RCAN1: variants seen among roughly 807,000 people sequenced by gnomAD.
The protein encoded by RCAN1 is regulator of calcineurin 1.
Under a neutral mutation model 22.9 loss-of-function variants are expected in RCAN1, and 11 were observed. That is an observed-to-expected ratio of 0.48 (90% CI 0.30 to 0.79). The LOEUF (loss-of-function observed/expected upper bound fraction) is 0.79. RCAN1 is among the 30% of genes least tolerant of loss of function. RCAN1 has a pLI of 0.06. For synonymous variants in RCAN1, 136 were observed against 142.3 expected (o/e 0.96, Z 0.32); for missense variants, 291 against 337.8 (o/e 0.86, Z 1.09).
At chr21:34,577,485 G>A (rs538905762) in intron 1 of RCAN1, among the ~76,000 whole-genome samples, 1 of 152,272 alleles carries the variant, frequency 6.6e-6, no homozygotes, top group Admixed American at 6.5e-5. Flanking sequence ...TGTAGTCCCA[G>A]CTACTTGGGA....
At chr21:34,570,632 A>G (rs898425006) in intron 1 of RCAN1, among the ~76,000 whole-genome samples, 3 of 149,074 alleles carry the variant, frequency 2.0e-5, no homozygotes, top group Admixed American at 6.7e-5. Flanking sequence ...TTGTGATGAT[A>G]GTGGACTCTT....
chr21:34,523,440 T>C, intron 2 of RCAN1, 97 bp downstream of exon 2: 2 of 1,184,484 alleles, frequency 1.7e-6, no homozygotes, highest in Non-Finnish European at 2.4e-6. Flanking sequence ...AGTCTCAGAG[T>C]TTCCGGTCAG....
intron 1 of RCAN1, among the ~76,000 whole-genome samples, chr21:34,582,731 C>CCA (rs1302482634): frequency 6.6e-6 from 1 of 152,162 alleles, no homozygotes; most frequent in African/African-American, 2.4e-5. Flanking sequence ...TTTCAAAACA[C>CCA]CACTGGCTGC....
At chr21:34,532,261 G>T (rs150379848) in intron 1 of RCAN1, among the ~76,000 whole-genome samples, 2 of 152,232 alleles carry the variant, frequency 1.3e-5, no homozygotes, top group African/African-American at 4.8e-5. Context: ...GACTTTGCGG[G>T]GTTCTTTGCT....
chr21:34,526,948 T>C (rs1985103135), intron 1 of RCAN1: 1 of 1,388,136 alleles, frequency 7.2e-7, no homozygotes, highest in Non-Finnish European at 9.3e-7. Flanking sequence ...AAGTCCTGCA[T>C]GCTTGCAGGC....
chr21:34,581,545 CAG>C (rs1438444140), intron 1 of RCAN1, among the ~76,000 whole-genome samples: 1 of 152,070 alleles, frequency 6.6e-6, no homozygotes, highest in Non-Finnish European at 1.5e-5. Flanking sequence ...GAGGAGGAAA[CAG>C]AATAAATCCC....
chr21:34,526,172 C>T (rs117751050), intron 1 of RCAN1, among the ~76,000 whole-genome samples: 2,428 of 152,312 alleles, frequency 0.016, 30 homozygotes, highest in Non-Finnish European at 0.027. Context: ...CACTTAATTT[C>T]TCCAGTTTTA....
chr21:34,573,503 T>G (rs1987304587), intron 1 of RCAN1, among the ~76,000 whole-genome samples: 1 of 152,150 alleles, frequency 6.6e-6, no homozygotes, highest in Non-Finnish European at 1.5e-5. Context: ...CCACTACAAA[T>G]GCAGATAGGT....
chr21:34,529,871 T>G (rs1985280792), intron 1 of RCAN1, among the ~76,000 whole-genome samples: 1 of 152,182 alleles, frequency 6.6e-6, no homozygotes, highest in African/African-American at 2.4e-5. Flanking sequence ...GTCTTTCCTG[T>G]GCTATTCTCG....
intron 1 of RCAN1, among the ~76,000 whole-genome samples, chr21:34,531,110 T>G (rs968042566): frequency 1.6e-4 from 25 of 152,218 alleles, no homozygotes; most frequent in Admixed American, 1.6e-3. Context: ...AATATCAAAT[T>G]CAGAGTTGTG....
At chr21:34,521,761 A>T in intron 2 of RCAN1, 103 bp from the exon 3 acceptor site, 4 of 946,462 alleles carry the variant, frequency 4.2e-6, no homozygotes, top group Non-Finnish European at 4.8e-6. Context: ...GTCAATGTCC[A>T]GGCGTCAGGA....
At chr21:34,596,955 G>A (rs556461725) in intron 1 of RCAN1, among the ~76,000 whole-genome samples, 15 of 152,308 alleles carry the variant, frequency 9.8e-5, no homozygotes, top group African/African-American at 3.6e-4. Flanking sequence ...AGGGAAATGG[G>A]AGGGGAGGAG....
At chr21:34,551,486 C>T (rs1469938811) in intron 1 of RCAN1, among the ~76,000 whole-genome samples, 29 of 152,108 alleles carry the variant, frequency 1.9e-4, no homozygotes, top group Non-Finnish European at 8.8e-5. Flanking sequence ...TGAGGGAAAA[C>T]AGGAGGAGGC....
chr21:34,528,100 G>C (rs1014514971), intron 1 of RCAN1, among the ~76,000 whole-genome samples: 32 of 152,182 alleles, frequency 2.1e-4, no homozygotes, highest in African/African-American at 7.2e-4. Flanking sequence ...AAGCACTCAA[G>C]TTATTTAAGC....
intron 1 of RCAN1, among the ~76,000 whole-genome samples, chr21:34,572,412 G>T (rs1378439469): frequency 1.3e-5 from 2 of 152,130 alleles, no homozygotes; most frequent in Admixed American, 1.3e-4. Flanking sequence ...TCCTGGGGCT[G>T]GTGGAGGTGG....
At chr21:34,548,214 C>A (rs550219664) in intron 1 of RCAN1, among the ~76,000 whole-genome samples, 1 of 152,310 alleles carries the variant, frequency 6.6e-6, no homozygotes, top group East Asian at 1.9e-4. Flanking sequence ...GCCTATAGAT[C>A]CTATGTTCTT....
chr21:34,569,271 T>C (rs7279682), intron 1 of RCAN1, among the ~76,000 whole-genome samples: 20,282 of 152,140 alleles, frequency 0.13, 1,386 homozygotes, highest in South Asian at 0.19. Flanking sequence ...CTGTGGAAAA[T>C]GCCTTCCAGC....
intron 1 of RCAN1, among the ~76,000 whole-genome samples, chr21:34,610,742 C>T (rs1988665032): frequency 6.6e-6 from 1 of 152,158 alleles, no homozygotes; most frequent in South Asian, 2.1e-4. Flanking sequence ...TCCCTAGAGA[C>T]TCTGACGTGC....
intron 1 of RCAN1, among the ~76,000 whole-genome samples, chr21:34,607,396 CTT>C (rs577088520): frequency 6.8e-6 from 1 of 146,532 alleles, no homozygotes; most frequent in Admixed American, 6.8e-5. Flanking sequence ...GATTTGCTCC[CTT>C]TTTTTTTTTG....
Sources: allele counts gnomAD v4.1 joint callset (sites outside exome capture counted in the v4.1 genomes callset), GRCh38; gene constraint gnomAD v4.1.1; transcripts MANE v1.5; gene names NCBI Gene and HGNC (gene_info 2026-07-23, HGNC 2026-07-21).